The following GALNT18 variants were observed in gnomAD, a reference collection of about 807,000 sequenced individuals.
The protein encoded by GALNT18 is polypeptide N-acetylgalactosaminyltransferase 18, also known as GalNAc-transferase 18.
Under a neutral mutation model 69.5 loss-of-function variants are expected in GALNT18, and 44 were observed. The ratio of observed to expected loss-of-function variants is 0.63; its 90% CI spans 0.50 to 0.81. GALNT18 has a LOEUF of 0.81. Among genes scored for constraint, GALNT18 ranks in the 40% least tolerant of loss-of-function variants. The pLI, the probability that GALNT18 is intolerant of heterozygous loss-of-function variation, is 0.00. For synonymous variants in GALNT18, 364 were observed against 318.2 expected (o/e 1.14, Z -1.53); for missense variants, 715 against 810.0 (o/e 0.88, Z 1.42).
At chr11:11,448,638 G>A (rs1315742739) in intron 2 of GALNT18, 106 bp downstream of exon 2, 19 of 860,178 alleles carry the variant, frequency 2.2e-5, no homozygotes, top group Non-Finnish European at 3.2e-5. Context: ...AAGCAGGAAA[G>A]GGACCCAAGA....
At chr11:11,374,345 T>C (rs1473653295) in intron 5 of GALNT18, among the ~76,000 whole-genome samples, 1 of 152,200 alleles carries the variant, frequency 6.6e-6, no homozygotes, top group Non-Finnish European at 1.5e-5. Context: ...TTAAAGCACT[T>C]GAGAGCCTCT....
chr11:11,490,234 A>AACACACACACACAC (rs61477736), intron 1 of GALNT18, among the ~76,000 whole-genome samples: 26 of 125,088 alleles, frequency 2.1e-4, no homozygotes, highest in African/African-American at 7.3e-4. Flanking sequence ...CTCTCTCTCT[A>AACACACACACACAC]ACACACACAC....
At chr11:11,513,286 C>T (rs1020702888) in intron 1 of GALNT18, among the ~76,000 whole-genome samples, 3 of 152,208 alleles carry the variant, frequency 2.0e-5, no homozygotes, top group South Asian at 2.1e-4. Flanking sequence ...GCAACAGATA[C>T]GAGGCTTGAA....
chr11:11,346,422 T>G (rs551184080), intron 6 of GALNT18, among the ~76,000 whole-genome samples: 1 of 152,198 alleles, frequency 6.6e-6, no homozygotes, highest in Non-Finnish European at 1.5e-5. Context: ...ACATAAAATG[T>G]GGCTAGATTT....
At chr11:11,466,526 T>A (rs1262223267) in intron 1 of GALNT18, among the ~76,000 whole-genome samples, 1 of 152,222 alleles carries the variant, frequency 6.6e-6, no homozygotes, top group South Asian at 2.1e-4. Context: ...TGGAGCCCCC[T>A]TGGGGACAGT....
intron 3 of GALNT18, among the ~76,000 whole-genome samples, chr11:11,401,511 C>T (rs1854467071): frequency 6.6e-6 from 1 of 152,162 alleles, no homozygotes; most frequent in African/African-American, 2.4e-5. Flanking sequence ...GTAACGCATG[C>T]AGATGCTGAG....
chr11:11,318,996 A>G lies in GALNT18; in HGVS notation c.1512+8090T>C, dbSNP rs1192431153. Reference sequence around the variant, plus strand: ...TAATTTTATTTCCCCATAGGACATGAACCACTTTTGCATTTAATCTCTCCA... The same window carrying G: ...TAATTTTATTTCCCCATAGGACATGGACCACTTTTGCATTTAATCTCTCCA... On this transcript the variant is annotated intron_variant, in intron 9 of 10. Coordinates refer to ENST00000227756, the MANE Select transcript of GALNT18 (RefSeq NM_198516.3). The surrounding 1 kb of genome is among the most constrained non-coding windows in gnomAD (Gnocchi z 5.1). Among the ~76,000 whole-genome samples, 2 of 152,248 alleles carry G rather than the reference A, an allele frequency of 1.3e-5. No homozygotes were observed. The highest frequency in any genetic ancestry group is 1.9e-4 in the East Asian group (1 of 5,194).
At chr11:11,293,216 AGT>A (rs1230153017) in intron 9 of GALNT18, 23 bp from the exon 10 acceptor site, 8 of 1,316,126 alleles carry the variant, frequency 6.1e-6, no homozygotes, top group Non-Finnish European at 5.9e-6. Context: ...GGAGGGAGAG[AGT>A]GTGGATAAAT....
chr11:11,468,419 G>C (rs1165826957), intron 1 of GALNT18, among the ~76,000 whole-genome samples: 3 of 152,156 alleles, frequency 2.0e-5, no homozygotes, highest in East Asian at 3.8e-4. Context: ...CTTCCTGCCT[G>C]CCATGCAGCT....
At chr11:11,325,785 A>G (rs994439808) in intron 9 of GALNT18, among the ~76,000 whole-genome samples, 1 of 152,158 alleles carries the variant, frequency 6.6e-6, no homozygotes, top group Admixed American at 6.5e-5. Context: ...ACGTGTTGCC[A>G]TACTGGGTTG....
chr11:11,501,305 C>T (rs1429513231), intron 1 of GALNT18, among the ~76,000 whole-genome samples: 2 of 152,132 alleles, frequency 1.3e-5, no homozygotes, highest in Non-Finnish European at 2.9e-5. Flanking sequence ...AACTATTTAA[C>T]CAAGACATCG....
intron 1 of GALNT18, among the ~76,000 whole-genome samples, chr11:11,452,746 T>C (rs1476550716): frequency 6.6e-6 from 1 of 152,150 alleles, no homozygotes; most frequent in East Asian, 1.9e-4. Flanking sequence ...GCATATCTGG[T>C]GATACCCAGA....
chr11:11,348,381 G>GA (rs71988944), intron 6 of GALNT18, among the ~76,000 whole-genome samples: 4,900 of 76,710 alleles, frequency 0.064, 411 homozygotes, highest in African/African-American at 0.2. Flanking sequence ...TTCGTCTCAG[G>GA]AAAAAAAAAA....
chr11:11,586,822 A>ACG lies in GALNT18; in HGVS notation c.235+34536_235+34537insCG, dbSNP rs1859238379. Among the ~76,000 whole-genome samples, 1 of 74,152 alleles carries ACG rather than the reference A, an allele frequency of 1.3e-5. No individual in the cohort carries two copies. Among genetic ancestry groups the ACG allele is most frequent in the Non-Finnish European group, 3.3e-5 (1 of 29,896 alleles). 48.6% of individuals were successfully genotyped at this position (74,152 alleles called of 152,430 possible). A position where few individuals can be genotyped will look rare whatever the true frequency, so the allele number is the denominator to read the frequency against. ...AACACCATCTCTACTAAAAACACAC[A>ACG]CACACACACACAAAAAAAAGCCAGG... On this transcript the variant is annotated intron_variant, in intron 1 of 10. Transcript: ENST00000227756. This position sits in a 1 kb window ranked among gnomAD's most constrained non-coding sequence, Gnocchi z 4.1.
In GALNT18 at chr11:11,596,680, C is replaced by T. The variant is rs1441792342; in HGVS notation, c.235+24679G>A. Among the ~76,000 whole-genome samples the T allele has an allele frequency of 2.0e-5, 3 of 151,992 alleles. No homozygotes were observed. The highest frequency in any genetic ancestry group is 6.6e-5 in the Admixed American group (1 of 15,254). On this transcript the variant is annotated intron_variant, in intron 1 of 10. Coordinates refer to ENST00000227756, the MANE Select transcript of GALNT18 (RefSeq NM_198516.3). The surrounding 1 kb of genome is among the most constrained non-coding windows in gnomAD (Gnocchi z 4.2). ...TCGCCCACTGATAGTGATAGAAATA[C>T]AATTTGTTTTTTTATATTGATCTTA...
At chr11:11,451,283 C>G (rs1855792326) in intron 1 of GALNT18, among the ~76,000 whole-genome samples, 2 of 152,096 alleles carry the variant, frequency 1.3e-5, no homozygotes, top group Non-Finnish European at 2.9e-5. Flanking sequence ...TAGTAAAAAT[C>G]TAAATCAGTG....
In GALNT18 at chr11:11,396,972, G is replaced by A. The variant is rs4910338; in HGVS notation, c.596-17708C>T. Among the ~76,000 whole-genome samples the A allele has an allele frequency of 0.2, 31,018 of 151,948 alleles. 3,327 individuals carry two copies. Among genetic ancestry groups the A allele is most frequent in the Admixed American group, 0.26 (3,910 of 15,278 alleles). On this transcript the variant is annotated intron_variant, in intron 3 of 10. Transcript: ENST00000227756. The surrounding 1 kb of genome is among the most constrained non-coding windows in gnomAD (Gnocchi z 5.2). ...CCCCTGTGCATCTTGGGGGTCTCTG[G>A]GAGTCAGAGGAAACCTAGGAGTCTT... is the stretch of plus-strand genomic sequence containing the variant.
intron 1 of GALNT18, among the ~76,000 whole-genome samples, chr11:11,551,354 C>T (rs143671570): frequency 7.9e-4 from 121 of 152,208 alleles, no homozygotes; most frequent in Middle Eastern, 3.4e-3. Flanking sequence ...GACAAGTTGG[C>T]GTTAAGACCA....
At chr11:11,576,899 C>A (rs1308409591) in intron 1 of GALNT18, among the ~76,000 whole-genome samples, 1 of 152,204 alleles carries the variant, frequency 6.6e-6, no homozygotes, top group Non-Finnish European at 1.5e-5. Context: ...ACCTTTAGTG[C>A]CACAGAGACA....
Sources: gnomAD v4.1 joint callset for allele counts (sites outside exome capture counted in the v4.1 genomes callset) on GRCh38, gnomAD v4.1.1 for gene constraint, Gnocchi (gnomAD v3.1) non-coding constraint, MANE v1.5 for transcripts, NCBI Gene and HGNC (gene_info 2026-07-23, HGNC 2026-07-21) for gene names.